Variants in MGST2 observed in about 807,000 individuals in gnomAD.
MGST2 encodes the protein microsomal glutathione S-transferase 2.
MGST2 carries 9 observed loss-of-function variants against 16.6 expected under a neutral mutation model. The ratio of observed to expected loss-of-function variants is 0.54; its 90% CI spans 0.33 to 0.95. The LOEUF (loss-of-function observed/expected upper bound fraction) is 0.95, where lower values mean the gene tolerates loss of function less well. Ranked by LOEUF, MGST2 falls within the 40% of genes least tolerant of loss-of-function variation. MGST2 has a pLI of 0.03. For synonymous variants in MGST2, 79 were observed against 68.0 expected, an observed-to-expected ratio of 1.16 and a Z score of -0.79; for missense variants, 159 against 175.1, an observed-to-expected ratio of 0.91 and a Z score of 0.52.
chr4:139,719,825 G>A (rs766508359), intron 5 of MGST2: 14 of 1,613,542 alleles, frequency 8.7e-6, no homozygotes, highest in Non-Finnish European at 1.2e-5. Flanking sequence ...AGTCCTCCCA[G>A]GCATGCCCTG....
At chr4:139,754,157 A>G in the MGST2 span, among the ~76,000 whole-genome samples, 2 of 152,282 alleles carry the variant, frequency 1.3e-5, no homozygotes, top group Non-Finnish European at 2.9e-5. Flanking sequence ...GAACAAGTGC[A>G]TAATGCAAAC....
At chr4:139,701,269 TC>T (rs3836606) in intron 3 of MGST2, among the ~76,000 whole-genome samples, 7,181 of 152,208 alleles carry the variant, frequency 0.047, 252 homozygotes, top group East Asian at 0.18. Context: ...TACTAACTGT[TC>T]CTGAACTGTT....
At chr4:139,706,644 T>G (rs1237268454), downstream of MGST2, among the ~76,000 whole-genome samples, 1 of 152,200 alleles carries the variant, frequency 6.6e-6, no homozygotes, top group Non-Finnish European at 1.5e-5. Context: ...ATTTCTGTTT[T>G]GCACTTAAAT....
chr4:139,678,593 C>T lies in MGST2; in HGVS notation c.109C>T (p.Pro37Ser), dbSNP rs370582785. The T allele has an allele frequency of 6.2e-6, 10 of 1,614,116 alleles. No individual in the cohort carries two copies. The African/African-American group carries it at 9.3e-5, about 15-fold the overall frequency. ...GKARLKYKVT[P>S]PAVTGSPEFE... ...GGCAAGATTAAAATACAAAGTTACGCCCCCAGCAGTCACTGGGTCACCAGA... is the reference window on the plus strand; with the variant it reads ...GGCAAGATTAAAATACAAAGTTACGTCCCCAGCAGTCACTGGGTCACCAGA... Residue 37 changes from proline to serine, a missense_variant, in exon 2 of 5, where the codon CCC becomes TCC. By Grantham distance (74) the Pro-to-Ser change is moderately conservative. Transcript: ENST00000265498.
chr4:139,691,687 TGATG>T (rs879916020), intron 2 of MGST2, among the ~76,000 whole-genome samples: 265 of 146,986 alleles, frequency 1.8e-3, no homozygotes, highest in East Asian at 7.8e-3. Flanking sequence ...ATGATGATGA[TGATG>T]ATGATGATTA....
At chr4:139,707,192 A>C (rs1163134271), downstream of MGST2, among the ~76,000 whole-genome samples, 1 of 150,490 alleles carries the variant, frequency 6.6e-6, no homozygotes, top group South Asian at 2.1e-4. Flanking sequence ...CTAATGCTAT[A>C]CCTCCCCCCT....
the MGST2 span, among the ~76,000 whole-genome samples, chr4:139,747,378 T>C: frequency 6.6e-6 from 1 of 152,200 alleles, no homozygotes; most frequent in Non-Finnish European, 1.5e-5. Flanking sequence ...GAATGAATTC[T>C]AGGGGGAAGA....
intron 5 of MGST2, among the ~76,000 whole-genome samples, chr4:139,731,625 A>AT (rs1728729313): frequency 1.3e-5 from 2 of 152,154 alleles, no homozygotes; most frequent in South Asian, 4.2e-4. Flanking sequence ...TCAAAAAAAA[A>AT]GAATTGAGTC....
intron 1 of MGST2, among the ~76,000 whole-genome samples, chr4:139,668,049 T>C (rs1444219748): frequency 2.6e-5 from 4 of 152,190 alleles, no homozygotes; most frequent in Non-Finnish European, 4.4e-5. Flanking sequence ...AACCAATTCA[T>C]GTAAGATGTA....
At chr4:139,685,775 T>C (rs1045991337) in intron 2 of MGST2, among the ~76,000 whole-genome samples, 1 of 152,342 alleles carries the variant, frequency 6.6e-6, no homozygotes, top group Admixed American at 6.5e-5. Flanking sequence ...GCGATTCTCT[T>C]GCCTCAGCCT....
At chr4:139,683,870 G>A (rs905020679) in intron 2 of MGST2, among the ~76,000 whole-genome samples, 3 of 151,178 alleles carry the variant, frequency 2.0e-5, no homozygotes, top group Non-Finnish European at 4.4e-5. Flanking sequence ...GGCAAAAAAT[G>A]AGAGAGCTTG....
chr4:139,730,759 G>A, intron 5 of MGST2: 1 of 1,208,362 alleles, frequency 8.3e-7, no homozygotes. Context: ...GAACGGGGCA[G>A]AAGTCCCAGC....
intron 5 of MGST2, chr4:139,730,350 C>G: frequency 1.4e-6 from 2 of 1,414,028 alleles, no homozygotes; most frequent in Non-Finnish European, 1.9e-6. Flanking sequence ...TCCTCACAGG[C>G]AGCAGGCAGG....
chr4:139,671,400 GAAAT>G (rs1730685156), intron 1 of MGST2, among the ~76,000 whole-genome samples: 1 of 152,230 alleles, frequency 6.6e-6, no homozygotes, highest in East Asian at 1.9e-4. Context: ...ACTCATAAGG[GAAAT>G]AAAGTTGAAA....
chr4:139,739,269 G>C (rs1490392285), intron 5 of MGST2, among the ~76,000 whole-genome samples: 3 of 152,220 alleles, frequency 2.0e-5, no homozygotes, highest in African/African-American at 7.2e-5. Flanking sequence ...TGGCAGTCCA[G>C]TGCTAAATGT....
chr4:139,723,182 G>T (rs1560768897), intron 5 of MGST2, among the ~76,000 whole-genome samples: 1 of 152,222 alleles, frequency 6.6e-6, no homozygotes, highest in Admixed American at 6.5e-5. Context: ...GGAAAAGTCA[G>T]CTTCAAAAAC....
chr4:139,705,042 AAAAG>A (rs1727467026), downstream of MGST2, among the ~76,000 whole-genome samples: 1 of 152,300 alleles, frequency 6.6e-6, no homozygotes, highest in South Asian at 2.1e-4. Context: ...GGTTTTTGGG[AAAAG>A]AAAGAAATTT....
At chr4:139,745,974 T>C in the MGST2 span, among the ~76,000 whole-genome samples, 1 of 152,364 alleles carries the variant, frequency 6.6e-6, no homozygotes, top group Non-Finnish European at 1.5e-5. Context: ...AACTTTCTCC[T>C]GCTACTAAAT....
At chr4:139,733,570 A>C (rs1167292953) in intron 5 of MGST2, among the ~76,000 whole-genome samples, 1 of 152,070 alleles carries the variant, frequency 6.6e-6, no homozygotes, top group Non-Finnish European at 1.5e-5. Flanking sequence ...AAAAAAAAAA[A>C]AAAAACCCTC....
Sources: gnomAD v4.1 joint callset for allele counts (sites outside exome capture counted in the v4.1 genomes callset) on GRCh38, gnomAD v4.1.1 for gene constraint, MANE v1.5 for transcripts, NCBI Gene and HGNC (gene_info 2026-07-23, HGNC 2026-07-21) for gene names.